XKR4: variants seen among roughly 807,000 people sequenced by gnomAD.
XKR4 encodes XK-related protein 4.
In XKR4, 12 loss-of-function variants were observed where a neutral mutation model predicts 53.9. The observed-to-expected ratio is 0.22, with a 90% CI of 0.14 to 0.36. The LOEUF (loss-of-function observed/expected upper bound fraction) is 0.36. XKR4 is among the 10% of genes least tolerant of loss of function. The pLI is 1.00. For synonymous variants in XKR4, 354 were observed against 362.4 expected, an observed-to-expected ratio of 0.98 and a Z score of 0.26; for missense variants, 799 against 859.5, an observed-to-expected ratio of 0.93 and a Z score of 0.88.
chr8:55,237,234 G>T lies in XKR4; in HGVS notation c.807-120444G>T, dbSNP rs115053719. Reference sequence around the variant, plus strand: ...CAGTTGACCTTTAAAAAACATGAGGGTTAGGGGCATCAACCCCCCACAAAG... The same window carrying T: ...CAGTTGACCTTTAAAAAACATGAGGTTTAGGGGCATCAACCCCCCACAAAG... On this transcript the variant is annotated intron_variant, in intron 1 of 2. Coordinates refer to ENST00000327381, the MANE Select transcript of XKR4 (RefSeq NM_052898.2). 4.1e-3 allele frequency among the ~76,000 whole-genome samples: 619 copies of T among 152,246 alleles called. 5 individuals carry two copies. Among genetic ancestry groups the T allele is most frequent in the African/African-American group, 0.014 (588 of 41,522 alleles).
chr8:55,382,635 A>AG (rs1281533540), intron 2 of XKR4, among the ~76,000 whole-genome samples: 2 of 152,144 alleles, frequency 1.3e-5, no homozygotes, highest in African/African-American at 2.4e-5. Context: ...AAGCATCTTA[A>AG]GGGGGGGAAA....
intron 2 of XKR4, among the ~76,000 whole-genome samples, chr8:55,458,437 C>T (rs1355170658): frequency 6.6e-6 from 1 of 152,156 alleles, no homozygotes; most frequent in Non-Finnish European, 1.5e-5. Context: ...TTACAGTATG[C>T]CCTTTTAGTT....
Position 55,336,041 on chromosome 8 carries a change from CA to C in XKR4, c.807-21619del, listed in dbSNP as rs34885296. ...TAAAAAATTTTATGCAACTCTATACCAAAAAAAAAAAAAAAAAAGAAAAGAA... is the reference window on the plus strand; with the variant it reads ...TAAAAAATTTTATGCAACTCTATACCAAAAAAAAAAAAAAAAAGAAAAGAA... On this transcript the variant is annotated intron_variant, in intron 1 of 2. Coordinates refer to ENST00000327381, the MANE Select transcript of XKR4 (RefSeq NM_052898.2). 4.5e-3 allele frequency among the ~76,000 whole-genome samples: 511 copies of C among 113,694 alleles called. 4 individuals are homozygous for C. The highest frequency in any genetic ancestry group is 0.01 in the East Asian group (38 of 3,656). 74.6% of individuals were successfully genotyped at this position (113,694 alleles called of 152,430 possible). A position where few individuals can be genotyped will look rare whatever the true frequency, so the allele number is the denominator to read the frequency against.
At chr8:55,356,076 C>A (rs79446886) in intron 1 of XKR4, among the ~76,000 whole-genome samples, 10,684 of 152,210 alleles carry the variant, frequency 0.07, 1,077 homozygotes, top group African/African-American at 0.22. Context: ...CTTGAGGGAT[C>A]TACCAGACAG....
intron 2 of XKR4, among the ~76,000 whole-genome samples, chr8:55,475,339 G>A (rs1055218229): frequency 6.6e-6 from 1 of 152,186 alleles, no homozygotes; most frequent in African/African-American, 2.4e-5. Context: ...TGAAAATGTG[G>A]ATTGTCTTAT....
intron 2 of XKR4, among the ~76,000 whole-genome samples, chr8:55,417,396 G>T (rs942010537): frequency 1.6e-4 from 25 of 152,178 alleles, no homozygotes; most frequent in African/African-American, 5.1e-4. Flanking sequence ...ATTCAAAAGG[G>T]TACAGTCGAA....
chr8:55,126,564 G>A (rs1375806525), intron 1 of XKR4, among the ~76,000 whole-genome samples: 1 of 152,214 alleles, frequency 6.6e-6, no homozygotes, highest in Non-Finnish European at 1.5e-5. Context: ...TGCTTTGGCA[G>A]TCATAGGGTA....
At position 55,524,659 on chromosome 8, in the gene XKR4, A is replaced by G. The variant is rs1014907410; in HGVS notation, c.*432A>G. On this transcript the variant is annotated 3_prime_UTR_variant, in exon 3 of 3. Coordinates refer to ENST00000327381, the MANE Select transcript of XKR4 (RefSeq NM_052898.2). ...CACCAGTCCTCTGTCAAAAAAGCTTAGGTGACTTTTCTTGATGCAAAGCTC... is the reference window on the plus strand; with the variant it reads ...CACCAGTCCTCTGTCAAAAAAGCTTGGGTGACTTTTCTTGATGCAAAGCTC... 8 of 156,606 alleles carry G rather than the reference A, an allele frequency of 5.1e-5. No homozygotes were observed. The highest frequency in any genetic ancestry group is 8.4e-5 in the Non-Finnish European group (6 of 71,330). The allele number at this position is 156,606 out of a possible 1,614,324, so 9.7% of individuals were successfully genotyped here. A position where few individuals can be genotyped will look rare whatever the true frequency, so the allele number is the denominator to read the frequency against.
At chr8:55,399,891 A>C (rs1323583131) in intron 2 of XKR4, among the ~76,000 whole-genome samples, 1 of 152,246 alleles carries the variant, frequency 6.6e-6, no homozygotes, top group Non-Finnish European at 1.5e-5. Flanking sequence ...CCTCCAGGAC[A>C]GGAGCAGCCT....
intron 2 of XKR4, among the ~76,000 whole-genome samples, chr8:55,431,662 T>C (rs1805107196): frequency 6.6e-6 from 1 of 152,258 alleles, no homozygotes; most frequent in Non-Finnish European, 1.5e-5. Context: ...TCTCAGGGTA[T>C]TTGACTACTA....
intron 2 of XKR4, among the ~76,000 whole-genome samples, chr8:55,370,811 G>T (rs1247035551): frequency 1.3e-5 from 2 of 152,118 alleles, no homozygotes; most frequent in African/African-American, 4.8e-5. Flanking sequence ...CAGCACTCCA[G>T]GGCACTTGCA....
intron 1 of XKR4, among the ~76,000 whole-genome samples, chr8:55,306,398 G>A (rs765135347): frequency 5.3e-5 from 8 of 152,200 alleles, no homozygotes; most frequent in East Asian, 3.8e-4. Context: ...ATCATGACAT[G>A]GTGATTTGTC....
chr8:55,320,045 C>A (rs1355576983), intron 1 of XKR4, among the ~76,000 whole-genome samples: 1 of 152,194 alleles, frequency 6.6e-6, no homozygotes, highest in African/African-American at 2.4e-5. Context: ...CTCATTTTAG[C>A]ACTTATTTTT....
At chr8:55,281,947 A>G (rs537559145) in intron 1 of XKR4, among the ~76,000 whole-genome samples, 1 of 152,280 alleles carries the variant, frequency 6.6e-6, no homozygotes, top group Non-Finnish European at 1.5e-5. Flanking sequence ...CTCACCTAAC[A>G]TCTTCCTTGG....
In XKR4 at chr8:55,525,177, C is replaced by G. The variant is rs1204760578; in HGVS notation, c.*950C>G. The G allele has an allele frequency of 6.6e-6, 1 of 152,618 alleles. No homozygotes were observed. Among genetic ancestry groups the G allele is most frequent in the Admixed American group, 6.5e-5 (1 of 15,278 alleles). The allele number at this position is 152,618 out of a possible 1,614,324, so 9.5% of individuals were successfully genotyped here. A position where few individuals can be genotyped will look rare whatever the true frequency, so the allele number is the denominator to read the frequency against. On this transcript the variant is annotated 3_prime_UTR_variant, in exon 3 of 3. Transcript: ENST00000327381. ...GGCTGGAACCGGATCTGTTTCCAGA[C>G]GCAGAATGAGTGGCTCTGTGTGACC...
rs751152509 is a variant in XKR4, at chr8:55,443,530, TAAAAA to T, written c.1007-79729_1007-79725del. Reference sequence around the variant, plus strand: ...TTTGTAGATTTATAATCAGTTACATTAAAAAAAAAAAAAAAAAAAAAAAAAACAGA... The same window carrying T: ...TTTGTAGATTTATAATCAGTTACATTAAAAAAAAAAAAAAAAAAAAACAGA... On this transcript the variant is annotated intron_variant, in intron 2 of 2. Transcript: ENST00000327381. 2.1e-3 allele frequency among the ~76,000 whole-genome samples: 154 copies of T among 74,004 alleles called. 1 individual carries two copies. The highest frequency in any genetic ancestry group is 8.3e-3 in the African/African-American group (132 of 15,946). The allele number at this position is 74,004 out of a possible 152,430, so 48.5% of individuals were successfully genotyped here. A position where few individuals can be genotyped will look rare whatever the true frequency, so the allele number is the denominator to read the frequency against.
Position 55,451,309 on chromosome 8 carries a change from G to A in XKR4, c.1007-71972G>A, listed in dbSNP as rs112111630. On this transcript the variant is annotated intron_variant, in intron 2 of 2. Coordinates refer to ENST00000327381, the MANE Select transcript of XKR4 (RefSeq NM_052898.2). ...GGGTGCAGTCAGTCTGGATGCCGCCGCCATGGGGTTAGACAGAGTGGTGAC... is the reference window on the plus strand; with the variant it reads ...GGGTGCAGTCAGTCTGGATGCCGCCACCATGGGGTTAGACAGAGTGGTGAC... 774 of 599,632 alleles carry A rather than the reference G, an allele frequency of 1.3e-3. 2 individuals carry two copies. In the African/African-American group the frequency reaches 0.013, roughly 10 times the overall value. 37.1% of individuals were successfully genotyped at this position (599,632 alleles called of 1,614,324 possible).
intron 2 of XKR4, among the ~76,000 whole-genome samples, chr8:55,445,036 A>G (rs1043742590): frequency 6.6e-6 from 1 of 152,098 alleles, no homozygotes; most frequent in Admixed American, 6.6e-5. Flanking sequence ...ATTGACATGT[A>G]TGAATTTTGT....
At chr8:55,138,359 A>G (rs548234121) in intron 1 of XKR4, among the ~76,000 whole-genome samples, 66 of 152,328 alleles carry the variant, frequency 4.3e-4, no homozygotes, top group Admixed American at 4.3e-3. Context: ...AACCAAGAGC[A>G]TGTGCTCTGG....
Sources: allele counts gnomAD v4.1 joint callset (sites outside exome capture counted in the v4.1 genomes callset), GRCh38; gene constraint gnomAD v4.1.1; transcripts MANE v1.5; gene names NCBI Gene and HGNC (gene_info 2026-07-23, HGNC 2026-07-21).